The following ARHGAP12 variants were observed in gnomAD, a reference collection of about 807,000 sequenced individuals.
The protein encoded by ARHGAP12 is rho GTPase-activating protein 12.
A neutral mutation model predicts 108.6 loss-of-function variants in ARHGAP12; 64 were observed. That is an observed-to-expected ratio of 0.59 (90% CI 0.48 to 0.73). ARHGAP12 has a LOEUF of 0.73. Ranked by LOEUF, ARHGAP12 falls within the 30% of genes least tolerant of loss-of-function variation. The probability of loss-of-function intolerance (pLI) is 0.00; values close to 1 mark genes in which losing one functional copy is unlikely to be tolerated. For missense variants in ARHGAP12, 940 were observed against 1,005.9 expected (o/e 0.93, Z 0.89); for synonymous variants, 312 against 337.2 (o/e 0.93, Z 0.82).
At chr10:31,855,683 T>C (rs187505749) in intron 4 of ARHGAP12, among the ~76,000 whole-genome samples, 25 of 152,318 alleles carry the variant, frequency 1.6e-4, no homozygotes, top group African/African-American at 5.5e-4. Flanking sequence ...GCAGTAAAAC[T>C]TTTAGAAACA....
At chr10:31,923,495 A>C (rs1255192428) in intron 1 of ARHGAP12, among the ~76,000 whole-genome samples, 1 of 152,260 alleles carries the variant, frequency 6.6e-6, no homozygotes, top group Admixed American at 6.5e-5. Context: ...ATGTAGACAC[A>C]AAGACAGTAG....
At chr10:31,925,822 G>A (rs1840011887) in intron 1 of ARHGAP12, among the ~76,000 whole-genome samples, 1 of 152,306 alleles carries the variant, frequency 6.6e-6, no homozygotes, top group East Asian at 1.9e-4. Context: ...ATTGAGAAAT[G>A]CTCTAAGTGT....
intron 6 of ARHGAP12, among the ~76,000 whole-genome samples, chr10:31,850,509 CTA>C (rs1836632257): frequency 6.6e-6 from 1 of 152,104 alleles, no homozygotes; most frequent in Non-Finnish European, 1.5e-5. Flanking sequence ...AAATTAATCA[CTA>C]AATTTTTTTT....
chr10:31,897,464 G>A (rs1838747502), intron 3 of ARHGAP12, among the ~76,000 whole-genome samples: 1 of 152,120 alleles, frequency 6.6e-6, no homozygotes, highest in Non-Finnish European at 1.5e-5. Context: ...GTGAACTGAG[G>A]GGCACAGGGT....
intron 6 of ARHGAP12, among the ~76,000 whole-genome samples, chr10:31,848,617 A>G (rs1161445225): frequency 1.3e-5 from 2 of 152,082 alleles, no homozygotes; most frequent in Non-Finnish European, 2.9e-5. Context: ...TTTTATTTGA[A>G]TAACTATGTT....
intron 3 of ARHGAP12, among the ~76,000 whole-genome samples, chr10:31,894,319 C>A (rs1838583868): frequency 1.3e-5 from 2 of 152,102 alleles, no homozygotes; most frequent in Non-Finnish European, 2.9e-5. Flanking sequence ...TCCCTGTTTG[C>A]AGATGACATG....
At chr10:31,917,002 CTATAAAATGTTAA>C (rs1411025417) in intron 1 of ARHGAP12, among the ~76,000 whole-genome samples, 1 of 152,174 alleles carries the variant, frequency 6.6e-6, no homozygotes, top group East Asian at 1.9e-4. Flanking sequence ...ATATTGTGAA[CTATAAAATGTTAA>C]TATAGCTTCA....
At chr10:31,841,144 A>C (rs1836248543) in intron 7 of ARHGAP12, among the ~76,000 whole-genome samples, 1 of 152,290 alleles carries the variant, frequency 6.6e-6, no homozygotes, top group East Asian at 1.9e-4. Context: ...TATTATAAAC[A>C]AGAAATAATT....
intron 9 of ARHGAP12, 64 bp from the exon 10 acceptor site, chr10:31,831,864 T>C (rs1835847505): frequency 9.9e-7 from 1 of 1,006,754 alleles, no homozygotes; most frequent in Non-Finnish European, 1.5e-6. Context: ...TTCTTACACA[T>C]GACTGAACCA....
At chr10:31,821,373 T>A (rs2132170732) in intron 11 of ARHGAP12, among the ~76,000 whole-genome samples, 1 of 152,294 alleles carries the variant, frequency 6.6e-6, no homozygotes, top group South Asian at 2.1e-4. Flanking sequence ...TTGACATCTT[T>A]AAATTTGTTT....
intron 10 of ARHGAP12, among the ~76,000 whole-genome samples, chr10:31,830,333 T>C (rs1373338397): frequency 6.6e-6 from 1 of 152,030 alleles, no homozygotes; most frequent in African/African-American, 2.4e-5. Context: ...ATGGAATAGA[T>C]GATTTCCTTA....
At chr10:31,818,865 A>G (rs1447644791) in intron 12 of ARHGAP12, among the ~76,000 whole-genome samples, 1 of 152,126 alleles carries the variant, frequency 6.6e-6, no homozygotes, top group African/African-American at 2.4e-5. Context: ...TTATTTGACC[A>G]TGAAACCATT....
intron 10 of ARHGAP12, among the ~76,000 whole-genome samples, chr10:31,828,415 A>T (rs1308061843): frequency 6.6e-6 from 1 of 151,946 alleles, no homozygotes; most frequent in Non-Finnish European, 1.5e-5. Flanking sequence ...GGATCTGAAG[A>T]TATTTTGGAA....
intron 9 of ARHGAP12, among the ~76,000 whole-genome samples, chr10:31,838,824 CCATCTCAAAAAAAA>C (rs1836129822): frequency 9.4e-6 from 1 of 106,690 alleles, no homozygotes; most frequent in African/African-American, 4.3e-5. Context: ...GAGTGAGGCT[CCATCTCAAAAAAAA>C]AAAAAAAAAA....
chr10:31,861,251 G>T, intron 4 of ARHGAP12, 144 bp downstream of exon 4: 2 of 1,023,054 alleles, frequency 2.0e-6, no homozygotes, highest in Non-Finnish European at 2.8e-6. Context: ...TTTTAGTAAA[G>T]CTTGGAAAGA....
At chr10:31,899,449 C>G (rs1838836158) in intron 3 of ARHGAP12, among the ~76,000 whole-genome samples, 1 of 151,990 alleles carries the variant, frequency 6.6e-6, no homozygotes, top group Admixed American at 6.6e-5. Context: ...GAAGTACAAC[C>G]AAGTAGGAAG....
rs1186092128 is a variant in ARHGAP12 at position 31,913,422 on chromosome 10, C to T, written c.-110-2859G>A. ...AGTTCAAGGATCCCAATACACCCAA[C>T]GGGCCTCCTTTGTTTGGCCTTTTTC... is the stretch of plus-strand genomic sequence containing the variant. On this transcript the variant is annotated intron_variant, in intron 1 of 19. Transcript: ENST00000344936. 11 of 169,154 alleles carry T rather than the reference C, an allele frequency of 6.5e-5. No individual in the cohort carries two copies. The South Asian group carries it at 1.9e-3, about 29-fold the overall frequency. The allele number at this position is 169,154 out of a possible 1,614,324, so 10.5% of individuals were successfully genotyped here.
intron 14 of ARHGAP12, 96 bp downstream of exon 14, chr10:31,814,163 G>GAC: frequency 1.1e-6 from 1 of 942,966 alleles, no homozygotes; most frequent in Admixed American, 1.9e-5. Context: ...TGTAACATTG[G>GAC]ACATTCCATT....
At position 31,918,732 on chromosome 10, in the gene ARHGAP12, A is replaced by G. The variant is rs192606956; in HGVS notation, c.-110-8169T>C. ...AATAAATAAATATAACTAAATAAAT[A>G]ACAAATGTTTGTGAGGATGTGGAGA... On this transcript the variant is annotated intron_variant, in intron 1 of 19. Transcript: ENST00000344936. Among the ~76,000 whole-genome samples the G allele has an allele frequency of 2.2e-3, 336 of 152,320 alleles. 2 individuals carry two copies. Among genetic ancestry groups the G allele is most frequent in the Middle Eastern group, 6.8e-3 (2 of 294 alleles).
Sources: gnomAD v4.1 joint callset for allele counts (sites outside exome capture counted in the v4.1 genomes callset) on GRCh38, gnomAD v4.1.1 for gene constraint, MANE v1.5 for transcripts, NCBI Gene and HGNC (gene_info 2026-07-23, HGNC 2026-07-21) for gene names.